The following TAFA2 variants were observed in gnomAD, a reference collection of about 807,000 sequenced individuals.
The protein encoded by TAFA2 is chemokine-like protein TAFA-2.
A neutral mutation model predicts 18.8 loss-of-function variants in TAFA2; 7 were observed. That is an observed-to-expected ratio of 0.37 (90% confidence interval 0.21 to 0.70). The LOEUF is 0.70. Ranked by LOEUF, TAFA2 falls within the 30% of genes least tolerant of loss-of-function variation. The pLI, the probability that TAFA2 is intolerant of heterozygous loss-of-function variation, is 0.53. For missense variants in TAFA2, 122 were observed against 158.1 expected (o/e 0.77, Z 1.23); for synonymous variants, 60 against 54.2 (o/e 1.11, Z -0.47).
At chr12:61,731,866 GTTCTAGGTTC>G (rs1870467347) in intron 4 of TAFA2, among the ~76,000 whole-genome samples, 1 of 152,020 alleles carries the variant, frequency 6.6e-6, no homozygotes. Flanking sequence ...CAGGTTATGT[GTTCTAGGTTC>G]TTCTATTTCT....
chr12:61,889,913 A>G (rs992034165), intron 1 of TAFA2, among the ~76,000 whole-genome samples: 1 of 152,192 alleles, frequency 6.6e-6, no homozygotes, highest in Non-Finnish European at 1.5e-5. Context: ...CTATTACCAA[A>G]TGAGAGGTTC....
chr12:62,097,939 T>C (rs951180880), intron 1 of TAFA2, among the ~76,000 whole-genome samples: 1 of 152,180 alleles, frequency 6.6e-6, no homozygotes, highest in African/African-American at 2.4e-5. Flanking sequence ...CTTGTGAAGC[T>C]GAACCCCGGA....
upstream of TAFA2, among the ~76,000 whole-genome samples, chr12:62,194,664 C>T (rs577909842): frequency 1.8e-4 from 28 of 152,262 alleles, no homozygotes; most frequent in Non-Finnish European, 3.7e-4. Flanking sequence ...ATCTCCTAGA[C>T]AAAATAAAAT....
intron 1 of TAFA2, among the ~76,000 whole-genome samples, chr12:61,935,498 A>C (rs915130376): frequency 1.3e-5 from 2 of 152,194 alleles, no homozygotes; most frequent in African/African-American, 2.4e-5. Flanking sequence ...AGTCCATCCA[A>C]TATACCATCA....
At chr12:61,857,113 A>G (rs1873916710) in intron 2 of TAFA2, among the ~76,000 whole-genome samples, 1 of 152,036 alleles carries the variant, frequency 6.6e-6, no homozygotes, top group Non-Finnish European at 1.5e-5. Flanking sequence ...TCTAAAATAT[A>G]AAAACATTGT....
intron 1 of TAFA2, among the ~76,000 whole-genome samples, chr12:61,972,346 A>C (rs1298424350): frequency 2.6e-5 from 4 of 151,212 alleles, no homozygotes; most frequent in Non-Finnish European, 5.9e-5. Flanking sequence ...GCCAGACATC[A>C]GTACTACCTA....
rs914984110 is a variant in TAFA2 at position 61,708,341 on chromosome 12, T to C, written c.*2065A>G. ...CAACATTAATCTACTGGGGATAATC[T>C]AGTTAGTATATTTGAAATTCCATGT... On this transcript the variant is annotated 3_prime_UTR_variant, in exon 5 of 5. Transcript: ENST00000416284. 3.9e-5 allele frequency: 6 copies of C among 152,160 alleles called. No individual in the cohort carries two copies. Among genetic ancestry groups the C allele is most frequent in the Non-Finnish European group, 7.4e-5 (5 of 67,984 alleles). 9.4% of individuals were successfully genotyped at this position (152,160 alleles called of 1,614,324 possible).
At chr12:62,026,807 G>T (rs1489561858) in intron 1 of TAFA2, among the ~76,000 whole-genome samples, 1 of 152,106 alleles carries the variant, frequency 6.6e-6, no homozygotes, top group Non-Finnish European at 1.5e-5. Flanking sequence ...AAAGCATTTG[G>T]AATTGTAAAT....
chr12:61,893,357 T>C (rs2198792), intron 1 of TAFA2, among the ~76,000 whole-genome samples: 65,993 of 151,932 alleles, frequency 0.43, 14,811 homozygotes, highest in Non-Finnish European at 0.47. Flanking sequence ...AAGAAGTGAA[T>C]ACAATGAATA....
intron 1 of TAFA2, among the ~76,000 whole-genome samples, chr12:62,173,929 C>T (rs2062495256): frequency 6.6e-6 from 1 of 152,118 alleles, no homozygotes; most frequent in African/African-American, 2.4e-5. Flanking sequence ...AAGGTCTTAC[C>T]AGGAACCTTA....
At chr12:61,899,065 C>A (rs1875982572) in intron 1 of TAFA2, among the ~76,000 whole-genome samples, 1 of 152,162 alleles carries the variant, frequency 6.6e-6, no homozygotes, top group Non-Finnish European at 1.5e-5. Flanking sequence ...CTCCAGTTCC[C>A]AAGAAATTCT....
At chr12:62,096,126 G>A (rs1053932483) in intron 1 of TAFA2, among the ~76,000 whole-genome samples, 3 of 152,064 alleles carry the variant, frequency 2.0e-5, no homozygotes, top group Admixed American at 2.0e-4. Context: ...GAAGCAAAGG[G>A]GTAACTGCTG....
In TAFA2 at chr12:61,710,254, C is replaced by A; in HGVS notation, c.*152G>T. The A allele has an allele frequency of 1.5e-6, 1 of 654,434 alleles. No individual in the cohort carries two copies. The highest frequency in any genetic ancestry group is 2.1e-5 in the South Asian group (1 of 48,258). 40.5% of individuals were successfully genotyped at this position (654,434 alleles called of 1,614,324 possible). A position where few individuals can be genotyped will look rare whatever the true frequency, so the allele number is the denominator to read the frequency against. ...TCTGACTTTTAAAAAGTCTTGATTT[C>A]AAGAAGAGGCCATGAAATCCCTTGG... On this transcript the variant is annotated 3_prime_UTR_variant, in exon 5 of 5. Coordinates refer to ENST00000416284, the MANE Select transcript of TAFA2 (RefSeq NM_178539.5).
chr12:61,779,756 G>T (rs981375510), intron 2 of TAFA2, among the ~76,000 whole-genome samples: 2 of 151,792 alleles, frequency 1.3e-5, no homozygotes, highest in Non-Finnish European at 2.9e-5. Flanking sequence ...CTGAAAAGCT[G>T]CGATAGTATA....
intron 2 of TAFA2, among the ~76,000 whole-genome samples, chr12:61,767,273 T>C (rs1219841940): frequency 1.3e-5 from 2 of 152,110 alleles, no homozygotes; most frequent in African/African-American, 2.4e-5. Flanking sequence ...GGACTTTAGT[T>C]TCCTCAACTA....
rs750989820 is a variant in TAFA2, at chr12:61,902,091, T to TAAAAAAA, written c.-1-34672_-1-34666dup. ...TGATGTAATCATGGTGCAGGAATGTTAAAAAAAAAAAAAAAAAAAAAACCT... is the reference window on the plus strand; with the variant it reads ...TGATGTAATCATGGTGCAGGAATGTTAAAAAAAAAAAAAAAAAAAAAAAAAAAAACCT... On this transcript the variant is annotated intron_variant, in intron 1 of 4. Transcript: ENST00000416284. Among the ~76,000 whole-genome samples the TAAAAAAA allele has an allele frequency of 2.9e-3, 338 of 116,410 alleles. 6 individuals are homozygous for TAAAAAAA. Among genetic ancestry groups the TAAAAAAA allele is most frequent in the African/African-American group, 0.011 (311 of 27,884 alleles). The allele number at this position is 116,410 out of a possible 152,430, so 76.4% of individuals were successfully genotyped here.
intron 1 of TAFA2, among the ~76,000 whole-genome samples, chr12:62,144,459 CA>C (rs112940019): frequency 1.7e-4 from 24 of 144,696 alleles, no homozygotes; most frequent in Non-Finnish European, 1.5e-4. Context: ...CTCCCTCCAC[CA>C]AAAAAAAAAG....
chr12:61,715,733 C>A (rs1450352234), intron 4 of TAFA2, among the ~76,000 whole-genome samples: 2 of 132,882 alleles, frequency 1.5e-5, no homozygotes, highest in Non-Finnish European at 3.2e-5. Context: ...CATGGCAAGA[C>A]CCCTCAAGAC....
chr12:61,893,204 G>A (rs1875707082), intron 1 of TAFA2, among the ~76,000 whole-genome samples: 1 of 152,202 alleles, frequency 6.6e-6, no homozygotes, highest in Non-Finnish European at 1.5e-5. Flanking sequence ...TGGCTTAGGG[G>A]TTGAATAGGA....
Sources: gnomAD v4.1 joint callset for allele counts (sites outside exome capture counted in the v4.1 genomes callset) on GRCh38, gnomAD v4.1.1 for gene constraint, MANE v1.5 for transcripts, NCBI Gene and HGNC (gene_info 2026-07-23, HGNC 2026-07-21) for gene names.